The following PHF21A variants were observed in gnomAD, a reference collection of about 807,000 sequenced individuals.
PHF21A encodes the protein BHC80a.
Under a neutral mutation model 82.5 loss-of-function variants are expected in PHF21A, and 11 were observed. The ratio of observed to expected loss-of-function variants is 0.13; its 90% CI spans 0.08 to 0.22. PHF21A has a LOEUF of 0.22. Ranked by LOEUF, PHF21A falls within the 10% of genes least tolerant of loss-of-function variation. PHF21A has a pLI of 1.00. For synonymous variants in PHF21A, 297 were observed against 302.8 expected, an observed-to-expected ratio of 0.98 and a Z score of 0.20; for missense variants, 579 against 837.8, an observed-to-expected ratio of 0.69 and a Z score of 3.81.
chr11:45,966,134 T>C (rs1354052815), intron 9 of PHF21A, among the ~76,000 whole-genome samples: 1 of 152,126 alleles, frequency 6.6e-6, no homozygotes, highest in Non-Finnish European at 1.5e-5. Flanking sequence ...CCCAATGTTC[T>C]CATTATTCCT....
At position 45,971,895 on chromosome 11, in the gene PHF21A, T is replaced by TTTTTTTTTTTTTTTTTTTTTC. The variant is rs2093775831; in HGVS notation, c.361-529_361-528insGAAAAAAAAAAAAAAAAAAAA. Among the ~76,000 whole-genome samples the TTTTTTTTTTTTTTTTTTTTTC allele has an allele frequency of 1.8e-5, 2 of 111,450 alleles. 1 individual carries two copies. The highest frequency in any genetic ancestry group is 3.8e-5 in the Non-Finnish European group (2 of 53,112). The allele number at this position is 111,450 out of a possible 152,430, so 73.1% of individuals were successfully genotyped here. The stretch of plus-strand genomic sequence containing the variant: ...AGGACAGTGTCTTTTTCTTTCTTTT[T>TTTTTTTTTTTTTTTTTTTTTC]TTTTTTTTTTATGGTGTCACCCTGG... On this transcript the variant is annotated intron_variant, in intron 7 of 18. Coordinates refer to ENST00000676320, the MANE Select transcript of PHF21A (RefSeq NM_001352027.3).
chr11:45,954,162 A>G (rs2092432348), intron 10 of PHF21A, among the ~76,000 whole-genome samples: 2 of 151,952 alleles, frequency 1.3e-5, no homozygotes, highest in African/African-American at 4.8e-5. Flanking sequence ...ACACCCAGCT[A>G]ATTTTTGTAT....
intron 1 of PHF21A, among the ~76,000 whole-genome samples, chr11:46,101,527 TAAG>T (rs765769421): frequency 4.6e-5 from 7 of 152,220 alleles, no homozygotes; most frequent in Non-Finnish European, 5.9e-5. Context: ...TAAATTTCCA[TAAG>T]AAGAAGTTAT....
chr11:46,085,757 A>T (rs891928580), intron 3 of PHF21A, among the ~76,000 whole-genome samples: 1 of 152,300 alleles, frequency 6.6e-6, no homozygotes, highest in Admixed American at 6.5e-5. Context: ...AAGTTTTCTA[A>T]GAGTCCTTTG....
chr11:45,970,931 T>C, intron 8 of PHF21A, 185 bp downstream of exon 8: 1 of 681,552 alleles, frequency 1.5e-6, no homozygotes, highest in Non-Finnish European at 2.4e-6. Context: ...TCAGGACGCT[T>C]CTGTAGTGAT....
intron 6 of PHF21A, among the ~76,000 whole-genome samples, chr11:46,049,067 G>A (rs2096302965): frequency 6.6e-6 from 1 of 152,186 alleles, no homozygotes; most frequent in Non-Finnish European, 1.5e-5. Flanking sequence ...TGACAACAGG[G>A]ATGACAATGC....
intron 6 of PHF21A, among the ~76,000 whole-genome samples, chr11:46,023,297 T>C (rs2095667840): frequency 1.3e-5 from 2 of 152,232 alleles, no homozygotes; most frequent in Non-Finnish European, 2.9e-5. Context: ...GGCTAATTAC[T>C]GAGGCCCCTT....
intron 6 of PHF21A, among the ~76,000 whole-genome samples, chr11:46,070,588 A>G (rs1335727984): frequency 6.6e-6 from 1 of 152,114 alleles, no homozygotes; most frequent in Non-Finnish European, 1.5e-5. Flanking sequence ...ACCTTGGCCT[A>G]CCAAAATGCT....
At chr11:45,962,565 C>T (rs1164483788) in intron 10 of PHF21A, among the ~76,000 whole-genome samples, 1 of 152,100 alleles carries the variant, frequency 6.6e-6, no homozygotes, top group African/African-American at 2.4e-5. Context: ...ACTAAAATAA[C>T]AATGACTGAA....
chr11:46,082,070 G>T (rs2096798679), intron 4 of PHF21A, among the ~76,000 whole-genome samples: 1 of 152,132 alleles, frequency 6.6e-6, no homozygotes. Context: ...TCCCCAAAAA[G>T]ATGAGATGTC....
intron 6 of PHF21A, among the ~76,000 whole-genome samples, chr11:45,983,628 G>A (rs1288832705): frequency 6.6e-6 from 1 of 152,194 alleles, no homozygotes; most frequent in African/African-American, 2.4e-5. Flanking sequence ...CCTTAGGTGT[G>A]GAGGCCCTGC....
chr11:46,020,436 C>A (rs1234721075), intron 6 of PHF21A, among the ~76,000 whole-genome samples: 1 of 152,094 alleles, frequency 6.6e-6, no homozygotes, highest in Non-Finnish European at 1.5e-5. Flanking sequence ...GAGGGAAGCA[C>A]CGTGTACATA....
At chr11:46,071,686 G>A (rs1443542734) in intron 6 of PHF21A, among the ~76,000 whole-genome samples, 10 of 151,368 alleles carry the variant, frequency 6.6e-5, no homozygotes, top group African/African-American at 2.2e-4. Context: ...AGAGAAACAC[G>A]CATTCATATA....
In PHF21A at chr11:46,078,982, A is replaced by G. The variant is rs571723965; in HGVS notation, c.87+152T>C. On this transcript the variant is annotated intron_variant, in intron 5 of 18. Coordinates refer to ENST00000676320, the MANE Select transcript of PHF21A (RefSeq NM_001352027.3). Reference sequence around the variant, plus strand: ...AGAATGAATTTTTCTAAACCCTTATAACCTGAAGATCAATGTATTAAAAAT... The same window carrying G: ...AGAATGAATTTTTCTAAACCCTTATGACCTGAAGATCAATGTATTAAAAAT... 5.9e-6 allele frequency: 3 copies of G among 511,382 alleles called. No individual in the cohort carries two copies. In the East Asian group the frequency reaches 9.5e-5, roughly 16 times the overall value. 31.7% of individuals were successfully genotyped at this position (511,382 alleles called of 1,614,324 possible). A position where few individuals can be genotyped will look rare whatever the true frequency, so the allele number is the denominator to read the frequency against.
intron 1 of PHF21A, among the ~76,000 whole-genome samples, chr11:46,120,073 T>G (rs572240947): frequency 1.6e-4 from 24 of 148,662 alleles, no homozygotes; most frequent in Admixed American, 3.3e-4. Context: ...AGAAGAAGAA[T>G]AAGCGGAATT....
intron 6 of PHF21A, among the ~76,000 whole-genome samples, chr11:45,992,303 C>T (rs1190431433): frequency 1.3e-5 from 2 of 151,218 alleles, no homozygotes; most frequent in African/African-American, 2.4e-5. Flanking sequence ...GAGGCTGAGG[C>T]GGGCAGATCA....
rs1853189900 is a variant in PHF21A, at chr11:46,121,187, T to TCTCTCTCC, written c.-490_-489insGGAGAGAG. 1 of 140,622 alleles carries TCTCTCTCC rather than the reference T, an allele frequency of 7.1e-6. No individual in the cohort carries two copies. The highest frequency in any genetic ancestry group is 1.5e-5 in the Non-Finnish European group (1 of 64,550). The allele number at this position is 140,622 out of a possible 1,614,324, so 8.7% of individuals were successfully genotyped here. On this transcript the variant is annotated 5_prime_UTR_variant, in exon 1 of 19. Coordinates refer to ENST00000676320, the MANE Select transcript of PHF21A (RefSeq NM_001352027.3). ...TCTCCTCTCTCTCTCACTCACTCTC[T>TCTCTCTCC]CTCTCTCTCTCTCTCTGGGCTGTTT...
intron 11 of PHF21A, among the ~76,000 whole-genome samples, chr11:45,952,436 T>C (rs1269961035): frequency 6.6e-6 from 1 of 152,170 alleles, no homozygotes; most frequent in Non-Finnish European, 1.5e-5. Context: ...AGAAACAAGG[T>C]CTCACTATGT....
chr11:46,065,781 CG>C (rs1565816277), intron 6 of PHF21A, among the ~76,000 whole-genome samples: 1 of 152,078 alleles, frequency 6.6e-6, no homozygotes, highest in East Asian at 1.9e-4. Context: ...GGGTATAAAG[CG>C]GGTGTATAAG....
Sources: gnomAD v4.1 joint callset for allele counts (sites outside exome capture counted in the v4.1 genomes callset) on GRCh38, gnomAD v4.1.1 for gene constraint, MANE v1.5 for transcripts, NCBI Gene and HGNC (gene_info 2026-07-23, HGNC 2026-07-21) for gene names.